The following SOS1 variants were observed in gnomAD, a reference collection of about 807,000 sequenced individuals.
SOS1 encodes son of sevenless homolog 1.
SOS1 carries 25 observed loss-of-function variants against 157.6 expected under a neutral mutation model. That is an observed-to-expected ratio of 0.16 (90% CI 0.12 to 0.22). SOS1 has a LOEUF of 0.22. Among genes scored for constraint, SOS1 ranks in the 10% least tolerant of loss-of-function variants. The probability of loss-of-function intolerance (pLI) is 1.00; values close to 1 mark genes in which losing one functional copy is unlikely to be tolerated. For missense variants in SOS1, 1,237 were observed against 1,599.1 expected (o/e 0.77, Z 3.86); for synonymous variants, 528 against 534.0 (o/e 0.99, Z 0.16).
At chr2:39,079,589 G>A (rs952825466) in intron 1 of SOS1, among the ~76,000 whole-genome samples, 1 of 138,868 alleles carries the variant, frequency 7.2e-6, no homozygotes, top group Non-Finnish European at 1.5e-5. Context: ...CCACCTCCTG[G>A]GTTCAAGCAA....
chr2:38,994,330 TAA>T (rs1319697242), intron 20 of SOS1, among the ~76,000 whole-genome samples: 2 of 152,196 alleles, frequency 1.3e-5, no homozygotes, highest in East Asian at 1.9e-4. Context: ...GGTCTAGAAA[TAA>T]GAGATGGATA....
At chr2:39,019,097 T>G (rs1171372403) in intron 10 of SOS1, among the ~76,000 whole-genome samples, 1 of 151,796 alleles carries the variant, frequency 6.6e-6, no homozygotes, top group Non-Finnish European at 1.5e-5. Context: ...CAGTAAATAC[T>G]TTAAAGAAAA....
intron 2 of SOS1, among the ~76,000 whole-genome samples, chr2:39,059,410 C>A (rs1671325496): frequency 6.6e-6 from 1 of 152,134 alleles, no homozygotes; most frequent in African/African-American, 2.4e-5. Context: ...AAAATTTCCA[C>A]TGAGAGTGAA....
intron 6 of SOS1, among the ~76,000 whole-genome samples, chr2:39,050,553 G>T (rs1294838198): frequency 6.6e-6 from 1 of 152,040 alleles, no homozygotes; most frequent in African/African-American, 2.4e-5. Context: ...TGGATTATTT[G>T]TATTATACCT....
chr2:39,124,782 A>G (rs540456926), upstream of SOS1, among the ~76,000 whole-genome samples: 5 of 152,178 alleles, frequency 3.3e-5, no homozygotes, highest in African/African-American at 9.6e-5. Context: ...CTCTCACTCA[A>G]AATGAACTGC....
At chr2:39,014,574 AAT>A (rs1422728593) in intron 11 of SOS1, among the ~76,000 whole-genome samples, 189 bp downstream of exon 11, 1 of 152,078 alleles carries the variant, frequency 6.6e-6, no homozygotes, top group Non-Finnish European at 1.5e-5. Context: ...TACAAAAAAG[AAT>A]ATTTTTGTAT....
chr2:39,081,555 T>C (rs1282116013), intron 1 of SOS1, among the ~76,000 whole-genome samples: 2 of 151,922 alleles, frequency 1.3e-5, no homozygotes, highest in Non-Finnish European at 2.9e-5. Context: ...CCAAGCACGG[T>C]AGCTTACGCC....
chr2:39,033,741 T>C (rs2124559577), intron 8 of SOS1, among the ~76,000 whole-genome samples: 1 of 152,318 alleles, frequency 6.6e-6, no homozygotes. Flanking sequence ...CTTGCCATGT[T>C]GCCCAAGCTG....
intron 1 of SOS1, among the ~76,000 whole-genome samples, chr2:39,102,230 A>AAAAAAAAAAG (rs1553370166): frequency 7.0e-6 from 1 of 142,858 alleles, no homozygotes; most frequent in African/African-American, 2.7e-5. Context: ...AAAAAAAAAA[A>AAAAAAAAAAG]GTGCCACTTT....
At position 39,024,123 on chromosome 2, in the gene SOS1, T is replaced by G; in HGVS notation, c.1089A>C (p.Lys363Asn). 6.2e-7 allele frequency: 1 copy of G among 1,611,638 alleles called. No individual in the cohort carries two copies. The highest frequency in any genetic ancestry group is 8.5e-7 in the Non-Finnish European group (1 of 1,177,972). Residue 363 changes from lysine (K) to asparagine (N), a missense_variant, in exon 9 of 23, where the codon AAA becomes AAC. This residue lies in a region of SOS1 where 101 missense variants were observed against 171.5 expected (regional missense o/e 0.59). Coordinates refer to ENST00000402219, the MANE Select transcript of SOS1 (RefSeq NM_005633.4). ...ATTCCTTGTCTTCTTGATCTTCACT[T>G]TTTTCTTCTAACTGCTGTAAAGCCA... ...YFELLKQLEE[K>N]SEDQEDKECL...
At chr2:39,100,625 A>T (rs1340411696) in intron 1 of SOS1, among the ~76,000 whole-genome samples, 2 of 152,238 alleles carry the variant, frequency 1.3e-5, no homozygotes, top group Non-Finnish European at 2.9e-5. Context: ...ATATAGAAAC[A>T]AAAGAGCAGG....
intron 1 of SOS1, among the ~76,000 whole-genome samples, chr2:39,069,479 T>G (rs1321805624): frequency 6.6e-6 from 1 of 152,146 alleles, no homozygotes; most frequent in East Asian, 1.9e-4. Context: ...TAAAGGCAAA[T>G]AGCATTGTAA....
At chr2:39,002,622 T>C (rs892395406) in intron 17 of SOS1, among the ~76,000 whole-genome samples, 4 of 152,242 alleles carry the variant, frequency 2.6e-5, no homozygotes, top group African/African-American at 9.6e-5. Flanking sequence ...GAAATATACG[T>C]TGACAGATTG....
intron 1 of SOS1, among the ~76,000 whole-genome samples, chr2:39,101,069 G>A (rs1672948705): frequency 2.0e-5 from 3 of 152,236 alleles, no homozygotes; most frequent in African/African-American, 4.8e-5. Context: ...TAACAGTTCT[G>A]CAGGCTGTAC....
At chr2:39,019,283 A>G (rs1209072968) in intron 10 of SOS1, among the ~76,000 whole-genome samples, 2 of 151,742 alleles carry the variant, frequency 1.3e-5, no homozygotes. Flanking sequence ...TAGACTACCA[A>G]ACTGGACACA....
At chr2:39,068,341 G>C (rs775108380) in intron 1 of SOS1, among the ~76,000 whole-genome samples, 79 of 152,172 alleles carry the variant, frequency 5.2e-4, no homozygotes, top group Non-Finnish European at 2.2e-4. Flanking sequence ...GAGAGGCTGA[G>C]GTGATGATAA....
At chr2:39,075,805 A>T (rs1413781337) in intron 1 of SOS1, among the ~76,000 whole-genome samples, 1 of 152,168 alleles carries the variant, frequency 6.6e-6, no homozygotes, top group Non-Finnish European at 1.5e-5. Context: ...ACAGTTTAAA[A>T]AGAGAAAATT....
intron 1 of SOS1, among the ~76,000 whole-genome samples, chr2:39,107,887 C>G (rs1673261123): frequency 6.6e-6 from 1 of 152,120 alleles, no homozygotes; most frequent in African/African-American, 2.4e-5. Flanking sequence ...ATCCTCAAAG[C>G]CTTGAGGCTA....
At chr2:39,060,321 A>G (rs1213218025) in intron 2 of SOS1, among the ~76,000 whole-genome samples, 1 of 152,250 alleles carries the variant, frequency 6.6e-6, no homozygotes, top group African/African-American at 2.4e-5. Context: ...ACATTTTTAC[A>G]TTATACCCTT....
Sources: allele counts gnomAD v4.1 joint callset (sites outside exome capture counted in the v4.1 genomes callset), GRCh38; gene constraint gnomAD v4.1.1; regional missense constraint gnomAD v4.1.1; transcripts MANE v1.5; gene names NCBI Gene and HGNC (gene_info 2026-07-23, HGNC 2026-07-21).